Variants in ITGAV observed in about 807,000 individuals in gnomAD.
ITGAV encodes integrin alpha-V.
Under a neutral mutation model 143.8 loss-of-function variants are expected in ITGAV, and 76 were observed. The observed-to-expected ratio is 0.53, with a 90% CI of 0.44 to 0.64. ITGAV has a LOEUF of 0.64. Ranked by LOEUF, ITGAV falls within the 30% of genes least tolerant of loss-of-function variation. ITGAV has a pLI of 0.00. For synonymous variants in ITGAV, 453 were observed against 446.7 expected, an observed-to-expected ratio of 1.01 and a Z score of -0.18; for missense variants, 1,193 against 1,274.7, an observed-to-expected ratio of 0.94 and a Z score of 0.98.
chr2:186,627,249 A>G (rs769833738), intron 4 of ITGAV, among the ~76,000 whole-genome samples: 3 of 152,170 alleles, frequency 2.0e-5, no homozygotes, highest in Non-Finnish European at 4.4e-5. Context: ...ACCTACTTTC[A>G]CTGTTTTCAG....
At chr2:186,623,669 C>A (rs1211924109) in intron 3 of ITGAV, among the ~76,000 whole-genome samples, 2 of 151,830 alleles carry the variant, frequency 1.3e-5, no homozygotes, top group Non-Finnish European at 2.9e-5. Context: ...ATGAACATGG[C>A]CAAAATAGGA....
intron 19 of ITGAV, 64 bp downstream of exon 19, chr2:186,663,899 C>G (rs544871812): frequency 9.2e-7 from 1 of 1,092,578 alleles, no homozygotes; most frequent in African/African-American, 1.5e-5. Flanking sequence ...TTTTTCTATT[C>G]AAAGGACTAA....
chr2:186,668,849 A>G lies in ITGAV; in HGVS notation c.2521A>G (p.Ile841Val), dbSNP rs767784678. Residue 841 changes from isoleucine (I) to valine (V), a missense_variant, in exon 25 of 30, where the codon ATC becomes GTC. Ile to Val is a conservative substitution (Grantham distance 29). Transcript: ENST00000261023. ...YKYNNNTLLY[I>V]LHYDIDGPMN... is the part of the protein sequence containing the mutation. ...ATATAATAATAACACTCTGTTGTAT[A>G]TCCTTCATTATGATATTGATGGACC... The G allele has an allele frequency of 3.1e-6, 5 of 1,612,844 alleles. No homozygotes were observed. Among genetic ancestry groups the G allele is most frequent in the Non-Finnish European group, 8.5e-7 (1 of 1,178,982 alleles).
intron 1 of ITGAV, among the ~76,000 whole-genome samples, chr2:186,592,294 C>G (rs1458679280): frequency 6.6e-6 from 1 of 152,104 alleles, no homozygotes; most frequent in Non-Finnish European, 1.5e-5. Context: ...CAAAAATTAA[C>G]CGGGCATGGT....
intron 26 of ITGAV, among the ~76,000 whole-genome samples, chr2:186,671,616 T>C (rs1446355974): frequency 6.6e-6 from 1 of 152,154 alleles, no homozygotes; most frequent in Non-Finnish European, 1.5e-5. Flanking sequence ...TTTTCTTTAA[T>C]TGAGACAAAA....
At chr2:186,630,737 T>G in intron 4 of ITGAV, 60 bp from the exon 5 acceptor site, 3 of 884,630 alleles carry the variant, frequency 3.4e-6, no homozygotes, top group Non-Finnish European at 5.6e-6. Flanking sequence ...GATTTTCTCA[T>G]GTTTTGTTTT....
At chr2:186,668,959 T>C in intron 25 of ITGAV, 39 bp downstream of exon 25, 1 of 1,448,058 alleles carries the variant, frequency 6.9e-7, no homozygotes, top group Non-Finnish European at 9.4e-7. Context: ...ACAATGATAT[T>C]TCATTGCCTT....
intron 26 of ITGAV, among the ~76,000 whole-genome samples, chr2:186,673,749 C>T (rs1278753083): frequency 6.6e-6 from 1 of 151,920 alleles, no homozygotes; most frequent in Non-Finnish European, 1.5e-5. Flanking sequence ...CTCATTGCAA[C>T]CTCCACCTCC....
At chr2:186,620,376 A>G (rs1352325905) in intron 2 of ITGAV, among the ~76,000 whole-genome samples, 1 of 152,192 alleles carries the variant, frequency 6.6e-6, no homozygotes, top group African/African-American at 2.4e-5. Context: ...TTTCCGGGCA[A>G]GAGGACCTTG....
chr2:186,663,012 A>T (rs1226877326), intron 18 of ITGAV, among the ~76,000 whole-genome samples: 1 of 151,700 alleles, frequency 6.6e-6, no homozygotes, highest in Non-Finnish European at 1.5e-5. Flanking sequence ...CTTAATTTTT[A>T]TGTTTCTTCT....
intron 12 of ITGAV, among the ~76,000 whole-genome samples, chr2:186,646,298 T>C (rs187793560): frequency 1.1e-4 from 16 of 152,278 alleles, no homozygotes; most frequent in African/African-American, 3.9e-4. Flanking sequence ...TAGATGAATC[T>C]TTTGATGTGT....
chr2:186,642,615 G>A (rs1054581926), intron 12 of ITGAV, among the ~76,000 whole-genome samples: 7 of 148,044 alleles, frequency 4.7e-5, no homozygotes, highest in African/African-American at 1.8e-4. Flanking sequence ...GCTCACTGCA[G>A]CCTCAACCTC....
rs543910011 is a variant in ITGAV, at chr2:186,663,872, T to G, written c.1925+37T>G. On this transcript the variant is annotated intron_variant, in intron 19 of 29. Transcript: ENST00000261023. ...TTGAAATAATAATGTAGTAAGAAAT[T>G]TAAATGGAAGGGCACATTTTTCTAT... is the stretch of plus-strand genomic sequence containing the variant. 5.0e-6 allele frequency: 7 copies of G among 1,397,572 alleles called. No individual in the cohort carries two copies. In the African/African-American group the frequency reaches 7.1e-5, roughly 14 times the overall value. The allele number at this position is 1,397,572 out of a possible 1,614,324, so 86.6% of individuals were successfully genotyped here.
Position 186,651,972 on chromosome 2 carries a change from C to T in ITGAV, c.1398-10C>T, listed in dbSNP as rs201065729. 2.0e-5 allele frequency: 30 copies of T among 1,524,636 alleles called. 1 individual carries two copies. In the East Asian group the frequency reaches 6.5e-4, roughly 33 times the overall value. 94.4% of individuals were successfully genotyped at this position (1,524,636 alleles called of 1,614,324 possible). A position where few individuals can be genotyped will look rare whatever the true frequency, so the allele number is the denominator to read the frequency against. ...TTTTTTACTTCATCTTCTTTTCCCT[C>T]CCCCGCTAGGGCCAGACCAGTTATC... is the stretch of plus-strand genomic sequence containing the variant. On this transcript the variant is annotated splice_polypyrimidine_tract_variant and intron_variant, in intron 14 of 29. Coordinates refer to ENST00000261023, the MANE Select transcript of ITGAV (RefSeq NM_002210.5).
intron 4 of ITGAV, among the ~76,000 whole-genome samples, chr2:186,628,064 C>T (rs1225393846): frequency 6.6e-6 from 1 of 152,142 alleles, no homozygotes; most frequent in Admixed American, 6.6e-5. Flanking sequence ...GACAATCCAC[C>T]TATAGCTATG....
At chr2:186,633,543 A>T (rs1687874805) in intron 6 of ITGAV, among the ~76,000 whole-genome samples, 169 bp downstream of exon 6, 1 of 150,642 alleles carries the variant, frequency 6.6e-6, no homozygotes, top group African/African-American at 2.4e-5. Context: ...AATATATATA[A>T]TATATATTAA....
Position 186,678,562 on chromosome 2 carries a change from C to A in ITGAV, c.*1270C>A. 1 of 296,004 alleles carries A rather than the reference C, an allele frequency of 3.4e-6. No individual in the cohort carries two copies. Among genetic ancestry groups the A allele is most frequent in the Non-Finnish European group, 6.6e-6 (1 of 151,700 alleles). 18.3% of individuals were successfully genotyped at this position (296,004 alleles called of 1,614,324 possible). A position where few individuals can be genotyped will look rare whatever the true frequency, so the allele number is the denominator to read the frequency against. On this transcript the variant is annotated 3_prime_UTR_variant, in exon 30 of 30. Transcript: ENST00000261023. Reference sequence around the variant, plus strand: ...TCAAGTTACTGAAAACCTTTTAAACCTTTCTGAAGTTCGTTAGTATAAATT... The same window carrying A: ...TCAAGTTACTGAAAACCTTTTAAACATTTCTGAAGTTCGTTAGTATAAATT...
At chr2:186,610,969 CATCTGTT>C (rs1352088285) in intron 2 of ITGAV, among the ~76,000 whole-genome samples, 1 of 152,130 alleles carries the variant, frequency 6.6e-6, no homozygotes, top group Non-Finnish European at 1.5e-5. Context: ...AAAGATAACA[CATCTGTT>C]ATCTTTAGTT....
At chr2:186,610,899 T>G (rs1469630360) in intron 2 of ITGAV, among the ~76,000 whole-genome samples, 1 of 152,208 alleles carries the variant, frequency 6.6e-6, no homozygotes, top group African/African-American at 2.4e-5. Context: ...TCATGTAGTC[T>G]GTTATCTGTT....
Sources: gnomAD v4.1 joint callset for allele counts (sites outside exome capture counted in the v4.1 genomes callset) on GRCh38, gnomAD v4.1.1 for gene constraint, MANE v1.5 for transcripts, NCBI Gene and HGNC (gene_info 2026-07-23, HGNC 2026-07-21) for gene names.